The following POU3F3 variants were observed in gnomAD, a reference collection of about 807,000 sequenced individuals.
The protein encoded by POU3F3 is POU class 3 homeobox 3.
Under a neutral mutation model 8.6 loss-of-function variants are expected in POU3F3, and 1 was observed. The observed-to-expected ratio is 0.12, with a 90% CI of 0.04 to 0.55. The LOEUF (loss-of-function observed/expected upper bound fraction) is 0.55. Ranked by LOEUF, POU3F3 falls within the 20% of genes least tolerant of loss-of-function variation. POU3F3 has a pLI of 0.91. For synonymous variants in POU3F3, 418 were observed against 327.4 expected, an observed-to-expected ratio of 1.28 and a Z score of -2.99; for missense variants, 577 against 690.7, an observed-to-expected ratio of 0.84 and a Z score of 1.84.
At chr2:104,876,931 C>T in the POU3F3 span, among the ~76,000 whole-genome samples, 1,673 of 152,284 alleles carry the variant, frequency 0.011, 36 homozygotes, top group African/African-American at 0.038. Context: ...TTGGGAACAC[C>T]CAGCACCTCA....
chr2:104,871,999 C>T, the POU3F3 span, among the ~76,000 whole-genome samples: 8 of 152,136 alleles, frequency 5.3e-5, 1 homozygote, highest in South Asian at 1.7e-3. Context: ...TTCCCACGCG[C>T]GGGCCGCCTG....
chr2:104,883,189 G>A, the POU3F3 span, among the ~76,000 whole-genome samples: 1 of 152,192 alleles, frequency 6.6e-6, no homozygotes, highest in African/African-American at 2.4e-5. Flanking sequence ...TGTGTTCAGG[G>A]AGAAGCCCAC....
At chr2:104,890,375 C>T in the POU3F3 span, among the ~76,000 whole-genome samples, 27 of 152,182 alleles carry the variant, frequency 1.8e-4, no homozygotes, top group Non-Finnish European at 4.4e-5. Context: ...TGATCTTTCT[C>T]GGTTGTGTGA....
At chr2:104,878,839 G>C in the POU3F3 span, among the ~76,000 whole-genome samples, 4 of 152,112 alleles carry the variant, frequency 2.6e-5, no homozygotes. Flanking sequence ...GTCCAGATTT[G>C]TGTGTGTTTC....
the POU3F3 span, among the ~76,000 whole-genome samples, chr2:104,865,068 C>T: frequency 2.0e-5 from 3 of 152,178 alleles, no homozygotes; most frequent in Non-Finnish European, 4.4e-5. Context: ...GTGGAAATGT[C>T]CCCACCGGCC....
the POU3F3 span, among the ~76,000 whole-genome samples, chr2:104,889,399 G>T: frequency 6.6e-6 from 1 of 152,318 alleles, no homozygotes; most frequent in African/African-American, 2.4e-5. Context: ...GAGGGGCCAG[G>T]CTCCTCCCAG....
chr2:104,885,481 G>A, the POU3F3 span, among the ~76,000 whole-genome samples: 6 of 152,154 alleles, frequency 3.9e-5, no homozygotes, highest in Admixed American at 3.3e-4. Context: ...GCCCAAACCT[G>A]CCAAAACCAA....
the POU3F3 span, among the ~76,000 whole-genome samples, chr2:104,878,321 A>T: frequency 6.6e-6 from 1 of 152,228 alleles, no homozygotes; most frequent in Non-Finnish European, 1.5e-5. Flanking sequence ...ATTATTTTCA[A>T]TGGAGTGGAT....
the POU3F3 span, among the ~76,000 whole-genome samples, chr2:104,885,786 C>A: frequency 1.3e-5 from 2 of 151,672 alleles, no homozygotes; most frequent in South Asian, 4.2e-4. Flanking sequence ...ATGAAATAGC[C>A]ATTCTTTCCT....
the POU3F3 span, among the ~76,000 whole-genome samples, chr2:104,920,261 C>T: frequency 5.3e-4 from 81 of 152,266 alleles, no homozygotes; most frequent in East Asian, 1.7e-3. Context: ...GTGATCCATC[C>T]GCCTCAGCCT....
chr2:104,926,890 G>A, the POU3F3 span, among the ~76,000 whole-genome samples: 4 of 152,126 alleles, frequency 2.6e-5, no homozygotes, highest in African/African-American at 9.6e-5. Flanking sequence ...AGTGGGAGTT[G>A]AACAATGAGA....
Position 104,856,796 on chromosome 2 carries a change from C to A in POU3F3, c.1286C>A (p.Pro429His). The A allele has an allele frequency of 6.2e-7, 1 of 1,614,086 alleles. No homozygotes were observed. Among genetic ancestry groups the A allele is most frequent in the Non-Finnish European group, 8.5e-7 (1 of 1,180,026 alleles). ...GALESHFLKC[P>H]KPSAQEITNL... is the part of the protein sequence containing the mutation. ...CTGGAGAGCCACTTCCTCAAGTGCCCCAAGCCCTCCGCGCAGGAGATCACC... is the reference window on the plus strand; with the variant it reads ...CTGGAGAGCCACTTCCTCAAGTGCCACAAGCCCTCCGCGCAGGAGATCACC... Residue 429 changes from proline to histidine, a missense_variant, in exon 1 of 1, where the codon CCC (proline) becomes CAC (histidine). Transcript: ENST00000361360.
chr2:104,853,845 C>T (rs1400606251), upstream of POU3F3: 1 of 143,016 alleles, frequency 7.0e-6, no homozygotes, highest in Non-Finnish European at 1.5e-5. Context: ...TAAGATGTGG[C>T]GGAGGGGGCG....
the POU3F3 span, among the ~76,000 whole-genome samples, chr2:104,918,619 T>C: frequency 6.6e-6 from 1 of 151,976 alleles, no homozygotes; most frequent in African/African-American, 2.4e-5. Flanking sequence ...GCACCCAAGG[T>C]CACCAGCAAA....
chr2:104,924,844 T>C, the POU3F3 span, among the ~76,000 whole-genome samples: 1 of 152,162 alleles, frequency 6.6e-6, no homozygotes. Context: ...CCCAAAATTT[T>C]GCCAGTTTGT....
the POU3F3 span, among the ~76,000 whole-genome samples, chr2:104,918,585 T>C: frequency 6.6e-6 from 1 of 152,116 alleles, no homozygotes; most frequent in Non-Finnish European, 1.5e-5. Flanking sequence ...ACAGACATGG[T>C]GTGATGCCTC....
At chr2:104,871,069 C>A in the POU3F3 span, among the ~76,000 whole-genome samples, 2 of 152,214 alleles carry the variant, frequency 1.3e-5, no homozygotes, top group Admixed American at 1.3e-4. Flanking sequence ...ATAGCCATTA[C>A]CCCATCTGAA....
downstream of POU3F3, among the ~76,000 whole-genome samples, chr2:104,860,091 T>A (rs569057707): frequency 2.9e-4 from 44 of 152,322 alleles, no homozygotes; most frequent in African/African-American, 1.0e-3. Flanking sequence ...TCAGGAGGTA[T>A]CTACTTAGTT....
chr2:104,871,254 A>C, the POU3F3 span, among the ~76,000 whole-genome samples: 1 of 152,218 alleles, frequency 6.6e-6, no homozygotes, highest in Non-Finnish European at 1.5e-5. Flanking sequence ...AGAAAGGAAG[A>C]CTCCATTATT....
Sources: gnomAD v4.1 joint callset for allele counts (sites outside exome capture counted in the v4.1 genomes callset) on GRCh38, gnomAD v4.1.1 for gene constraint, MANE v1.5 for transcripts, NCBI Gene and HGNC (gene_info 2026-07-23, HGNC 2026-07-21) for gene names.